The following MACROD2 variants were observed in gnomAD, a reference collection of about 807,000 sequenced individuals.
MACROD2 encodes ADP-ribose glycohydrolase MACROD2.
In MACROD2, 36 loss-of-function variants were observed where a neutral mutation model predicts 70.4. The ratio of observed to expected loss-of-function variants is 0.51; its 90% CI spans 0.39 to 0.68. MACROD2 has a LOEUF of 0.68. Ranked by LOEUF, MACROD2 falls within the 30% of genes least tolerant of loss-of-function variation. MACROD2 has a pLI of 0.00. For missense variants in MACROD2, 496 were observed against 538.4 expected (o/e 0.92, Z 0.78); for synonymous variants, 172 against 178.8 (o/e 0.96, Z 0.30).
intron 3 of MACROD2, among the ~76,000 whole-genome samples, chr20:14,376,087 G>A (rs965399917): frequency 1.2e-4 from 19 of 152,220 alleles, no homozygotes; most frequent in African/African-American, 4.3e-4. Flanking sequence ...ATTGCCTTAT[G>A]CCTTGCTTTT....
chr20:14,954,820 A>AAGTATAAATAT (rs2074511566), intron 5 of MACROD2, among the ~76,000 whole-genome samples: 1 of 8,650 alleles, frequency 1.2e-4, no homozygotes, highest in Middle Eastern at 0.083. Context: ...ATATAATATA[A>AAGTATAAATAT]ATTATAAATA....
At chr20:15,089,024 G>A (rs2075773851) in intron 5 of MACROD2, among the ~76,000 whole-genome samples, 1 of 152,068 alleles carries the variant, frequency 6.6e-6, no homozygotes, top group Admixed American at 6.6e-5. Context: ...CCAAGCAGTA[G>A]AGTAGGACAG....
chr20:14,980,774 G>A (rs951147590), intron 5 of MACROD2, among the ~76,000 whole-genome samples: 3 of 152,096 alleles, frequency 2.0e-5, no homozygotes, highest in Admixed American at 6.5e-5. Flanking sequence ...CACCTAGCTA[G>A]GAATCCAGGT....
At chr20:15,415,992 T>A (rs979182101) in intron 6 of MACROD2, among the ~76,000 whole-genome samples, 4 of 152,204 alleles carry the variant, frequency 2.6e-5, no homozygotes, top group Non-Finnish European at 5.9e-5. Flanking sequence ...AGAGCATTTA[T>A]TTAGTGAATG....
intron 3 of MACROD2, among the ~76,000 whole-genome samples, chr20:14,398,929 C>T (rs1447360096): frequency 6.6e-6 from 1 of 151,986 alleles, no homozygotes; most frequent in Non-Finnish European, 1.5e-5. Context: ...CCTGTTCATA[C>T]CATTCCTTTA....
chr20:14,988,868 G>T (rs567481672), intron 5 of MACROD2, among the ~76,000 whole-genome samples: 4 of 151,996 alleles, frequency 2.6e-5, no homozygotes, highest in Non-Finnish European at 4.4e-5. Context: ...ATCAATGTCC[G>T]GAATTTCTGC....
chr20:15,674,676 A>G (rs1221245910), intron 8 of MACROD2, among the ~76,000 whole-genome samples: 1 of 151,926 alleles, frequency 6.6e-6, no homozygotes, highest in African/African-American at 2.4e-5. Flanking sequence ...GCATCCTCGC[A>G]TGGTAGGCAT....
chr20:14,591,240 T>C (rs1271858427), intron 4 of MACROD2, among the ~76,000 whole-genome samples: 2 of 152,188 alleles, frequency 1.3e-5, no homozygotes, highest in East Asian at 3.8e-4. Context: ...CTGTATGTAT[T>C]ACAAATTTAA....
At chr20:15,213,447 A>C (rs150756549) in intron 5 of MACROD2, among the ~76,000 whole-genome samples, 1 of 151,974 alleles carries the variant, frequency 6.6e-6, no homozygotes, top group Admixed American at 6.6e-5. Context: ...TATGTTGGTT[A>C]AGGAGGCCTC....
chr20:15,987,437 C>G (rs1043303718), intron 15 of MACROD2, among the ~76,000 whole-genome samples: 7 of 151,928 alleles, frequency 4.6e-5, no homozygotes, highest in African/African-American at 1.5e-4. Flanking sequence ...TTGAGAAAGC[C>G]TATAAGAAAT....
chr20:15,869,472 T>C (rs11699173), intron 9 of MACROD2, among the ~76,000 whole-genome samples: 248 of 151,738 alleles, frequency 1.6e-3, no homozygotes, highest in African/African-American at 5.9e-3. Flanking sequence ...ACATAAATAG[T>C]AAAATAATGA....
At chr20:14,542,897 T>G (rs1395799005) in intron 4 of MACROD2, among the ~76,000 whole-genome samples, 2 of 152,198 alleles carry the variant, frequency 1.3e-5, no homozygotes, top group African/African-American at 4.8e-5. Flanking sequence ...TGGAAAGTTT[T>G]TTTCTAAACT....
chr20:15,942,556 T>G (rs1045689749), intron 12 of MACROD2, among the ~76,000 whole-genome samples: 10 of 152,220 alleles, frequency 6.6e-5, no homozygotes, highest in African/African-American at 2.4e-4. Context: ...GTTTGCACTT[T>G]AAATCCTTAA....
intron 6 of MACROD2, among the ~76,000 whole-genome samples, chr20:15,417,303 G>A (rs1213748638): frequency 6.6e-6 from 1 of 151,872 alleles, no homozygotes; most frequent in Non-Finnish European, 1.5e-5. Flanking sequence ...GTAAAGTGTG[G>A]TCCTGGGCCA....
chr20:15,192,014 G>GTATCTATC (rs71190179), intron 5 of MACROD2, among the ~76,000 whole-genome samples: 5,322 of 146,430 alleles, frequency 0.036, 116 homozygotes, highest in Non-Finnish European at 0.039. Flanking sequence ...TATTAACTAT[G>GTATCTATC]TATCTATCTA....
chr20:16,037,173 A>T (rs918223695), intron 15 of MACROD2, among the ~76,000 whole-genome samples: 2 of 152,000 alleles, frequency 1.3e-5, no homozygotes, highest in East Asian at 3.9e-4. Flanking sequence ...TAGGGCTAGA[A>T]ATTTAAATGT....
At chr20:15,277,953 A>G (rs1375281324) in intron 6 of MACROD2, among the ~76,000 whole-genome samples, 1 of 152,226 alleles carries the variant, frequency 6.6e-6, no homozygotes, top group African/African-American at 2.4e-5. Context: ...AACTTGGAAG[A>G]AAATAAACAG....
intron 6 of MACROD2, among the ~76,000 whole-genome samples, chr20:15,233,478 A>C (rs998493411): frequency 4.6e-5 from 7 of 152,142 alleles, no homozygotes; most frequent in African/African-American, 1.7e-4. Context: ...GGGAAATGTT[A>C]TAGTCATACA....
At chr20:15,556,124 A>G (rs2048166416) in intron 8 of MACROD2, among the ~76,000 whole-genome samples, 1 of 152,202 alleles carries the variant, frequency 6.6e-6, no homozygotes, top group Non-Finnish European at 1.5e-5. Flanking sequence ...AAAATGGGTC[A>G]TATGCATCTG....
Sources: gnomAD v4.1 joint callset for allele counts (sites outside exome capture counted in the v4.1 genomes callset) on GRCh38, gnomAD v4.1.1 for gene constraint, MANE v1.5 for transcripts, NCBI Gene and HGNC (gene_info 2026-07-23, HGNC 2026-07-21) for gene names.